SYNC: variants seen among roughly 807,000 people sequenced by gnomAD.
The protein encoded by SYNC is syncoilin.
SYNC carries 38 observed loss-of-function variants against 49.5 expected under a neutral mutation model. The observed-to-expected ratio is 0.77, with a 90% CI of 0.59 to 1.01. The LOEUF (loss-of-function observed/expected upper bound fraction) is 1.01, where lower values mean the gene tolerates loss of function less well. Among genes scored for constraint, SYNC ranks in the 50% least tolerant of loss-of-function variants. The pLI is 0.00. For synonymous variants in SYNC, 201 were observed against 230.8 expected (o/e 0.87, Z 1.17); for missense variants, 579 against 580.6 (o/e 1.00, Z 0.03).
chr1:32,702,255 T>A lies in SYNC; in HGVS notation c.53+353A>T, dbSNP rs2148566558. On this transcript the variant is annotated intron_variant, in intron 1 of 4. Coordinates refer to ENST00000409190, the MANE Select transcript of SYNC (RefSeq NM_030786.3). This position sits in a 1 kb window ranked among gnomAD's most constrained non-coding sequence, Gnocchi z 6.2. ...CAGCCACTTCAGCAGGGGAGGCCTC[T>A]GTCTCCAACTGACATTTGCAGGGAG... Among the ~76,000 whole-genome samples, 1 of 152,338 alleles carries A rather than the reference T, an allele frequency of 6.6e-6. No individual in the cohort carries two copies. Among genetic ancestry groups the A allele is most frequent in the East Asian group, 1.9e-4 (1 of 5,180 alleles).
intron 4 of SYNC, chr1:32,682,087 T>A (rs528461204): frequency 1.9e-6 from 1 of 520,804 alleles, no homozygotes; most frequent in Admixed American, 3.5e-5. Flanking sequence ...CAGGTATAAT[T>A]ACAATGCCTG....
intron 2 of SYNC, among the ~76,000 whole-genome samples, chr1:32,692,244 C>A (rs61798763): frequency 0.097 from 14,740 of 151,610 alleles, 1,788 homozygotes; most frequent in African/African-American, 0.29. Context: ...TAATAATCAT[C>A]ATCATCATCA....
intron 2 of SYNC, 177 bp from the exon 3 acceptor site, chr1:32,684,559 G>A (rs1237413385): frequency 7.9e-6 from 7 of 884,160 alleles, no homozygotes; most frequent in Non-Finnish European, 1.0e-5. Context: ...TGGAAAAAAA[G>A]TGACAATGCT....
Position 32,695,307 on chromosome 1 carries a change from T to G in SYNC, c.791A>C (p.Gln264Pro), listed in dbSNP as rs61753898. ...ATCGGCAAACTGAGCCACGTCCTGC[T>G]GGCGGCACTCCAGCTGGTATTGGTA... ...VAYQYQLECRQQDVAQFADFR... is the reference protein window; with the variant it reads ...VAYQYQLECRPQDVAQFADFR... The change falls in exon 2 of 5, where the codon CAG (glutamine) becomes CCG (proline). Residue 264 changes from glutamine to proline, a missense_variant. Transcript: ENST00000409190. 1 of 1,551,746 alleles carries G rather than the reference T, an allele frequency of 6.4e-7. No homozygotes were observed. The highest frequency in any genetic ancestry group is 8.7e-7 in the Non-Finnish European group (1 of 1,147,070).
At chr1:32,688,476 A>C (rs1215130324) in intron 2 of SYNC, among the ~76,000 whole-genome samples, 35 of 152,202 alleles carry the variant, frequency 2.3e-4, no homozygotes, top group Non-Finnish European at 2.9e-5. Context: ...TGCTTATAAC[A>C]TTGAAATATG....
At chr1:32,687,248 C>T (rs1339057579) in intron 2 of SYNC, among the ~76,000 whole-genome samples, 1 of 151,548 alleles carries the variant, frequency 6.6e-6, no homozygotes, top group Non-Finnish European at 1.5e-5. Context: ...GTAATCTCAG[C>T]TACTCGGGAG....
In SYNC at chr1:32,681,705, A is replaced by T; in HGVS notation, c.*145T>A. ...TAGAATCTTTTTAAGCAGGTCAGCCAGTATTTGCAACTTCCACAGGATGAA... is the reference window on the plus strand; with the variant it reads ...TAGAATCTTTTTAAGCAGGTCAGCCTGTATTTGCAACTTCCACAGGATGAA... On this transcript the variant is annotated 3_prime_UTR_variant, in exon 5 of 5. Transcript: ENST00000409190. 1 of 1,287,776 alleles carries T rather than the reference A, an allele frequency of 7.8e-7. No individual in the cohort carries two copies. Among genetic ancestry groups the T allele is most frequent in the Non-Finnish European group, 1.1e-6 (1 of 897,604 alleles). 79.8% of individuals were successfully genotyped at this position (1,287,776 alleles called of 1,614,324 possible).
chr1:32,685,583 G>A (rs1249643155), intron 2 of SYNC: 3 of 152,222 alleles, frequency 2.0e-5, no homozygotes, highest in African/African-American at 7.2e-5. Context: ...CGCACTGTTT[G>A]ATACTCTGGC....
intron 2 of SYNC, among the ~76,000 whole-genome samples, chr1:32,687,102 G>C (rs1294206633): frequency 6.6e-6 from 1 of 152,152 alleles, no homozygotes; most frequent in Non-Finnish European, 1.5e-5. Flanking sequence ...GCTCATGCCT[G>C]TAATCTCAGC....
chr1:32,698,021 G>C (rs1650507976), intron 1 of SYNC, among the ~76,000 whole-genome samples: 1 of 151,870 alleles, frequency 6.6e-6, no homozygotes, highest in South Asian at 2.1e-4. Flanking sequence ...TCAGGAGTTC[G>C]AGATCAGCCT....
At chr1:32,682,444 A>AAAATG (rs55901903) in intron 4 of SYNC, 128,804 of 146,340 alleles carry the variant, frequency 0.88, 56,096 homozygotes, top group Non-Finnish European at 0.95. Context: ...GAAATTTAAA[A>AAAATG]AAATAAAATC....
intron 2 of SYNC, among the ~76,000 whole-genome samples, chr1:32,688,491 A>C (rs1650001181): frequency 1.3e-5 from 2 of 152,186 alleles, no homozygotes; most frequent in South Asian, 4.1e-4. Flanking sequence ...AATATGTTTA[A>C]TTGATGCCAA....
chr1:32,679,983 T>A lies in SYNC; in HGVS notation c.*1867A>T. ...GAAAGGGGAATATTATGTGTGATTA[T>A]TTTTCTTCTTATGCTATATCCCCAA... On this transcript the variant is annotated 3_prime_UTR_variant, in exon 5 of 5. Transcript: ENST00000409190. 1 of 1,193,200 alleles carries A rather than the reference T, an allele frequency of 8.4e-7. No individual in the cohort carries two copies. Among genetic ancestry groups the A allele is most frequent in the Non-Finnish European group, 1.0e-6 (1 of 962,936 alleles). The allele number at this position is 1,193,200 out of a possible 1,614,324, so 73.9% of individuals were successfully genotyped here.
At chr1:32,700,433 C>T (rs979543646) in intron 1 of SYNC, among the ~76,000 whole-genome samples, 1 of 152,184 alleles carries the variant, frequency 6.6e-6, no homozygotes, top group Admixed American at 6.5e-5. Flanking sequence ...CAGTGGCTCA[C>T]GCCTGTAATC....
At chr1:32,685,923 C>G (rs1649793945) in intron 2 of SYNC, 2 of 152,182 alleles carry the variant, frequency 1.3e-5, no homozygotes. Flanking sequence ...TTTCCACTTT[C>G]TTTAGTGGCA....
At chr1:32,699,934 A>G (rs533440013) in intron 1 of SYNC, among the ~76,000 whole-genome samples, 14 of 151,850 alleles carry the variant, frequency 9.2e-5, no homozygotes, top group African/African-American at 2.9e-4. Flanking sequence ...GGGTTTCACC[A>G]TCTTGGTCAG....
In SYNC at chr1:32,681,667, C is replaced by T; in HGVS notation, c.*183G>A. On this transcript the variant is annotated 3_prime_UTR_variant, in exon 5 of 5. Coordinates refer to ENST00000409190, the MANE Select transcript of SYNC (RefSeq NM_030786.3). ...CCAGCAAAGAGTTGACATGTTCTGCCTCCGGCCAACTCTAGAATCTTTTTA... is the reference window on the plus strand; with the variant it reads ...CCAGCAAAGAGTTGACATGTTCTGCTTCCGGCCAACTCTAGAATCTTTTTA... 2.4e-6 allele frequency: 2 copies of T among 828,876 alleles called. No homozygotes were observed. The highest frequency in any genetic ancestry group is 3.3e-5 in the South Asian group (2 of 60,966). 51.3% of individuals were successfully genotyped at this position (828,876 alleles called of 1,614,324 possible).
intron 3 of SYNC, 26 bp from the exon 4 acceptor site, chr1:32,684,115 A>T (rs200279844): frequency 1.2e-6 from 2 of 1,612,238 alleles, no homozygotes; most frequent in South Asian, 2.2e-5. Flanking sequence ...GCCATTTTCC[A>T]TGTGTTTTTG....
intron 2 of SYNC, among the ~76,000 whole-genome samples, chr1:32,688,945 T>G (rs951590006): frequency 6.7e-6 from 1 of 150,258 alleles, no homozygotes; most frequent in African/African-American, 2.5e-5. Context: ...ACACACTTTT[T>G]TTTTTCTTTT....
Sources: gnomAD v4.1 joint callset for allele counts (sites outside exome capture counted in the v4.1 genomes callset) on GRCh38, gnomAD v4.1.1 for gene constraint, Gnocchi (gnomAD v3.1) non-coding constraint, MANE v1.5 for transcripts, NCBI Gene and HGNC (gene_info 2026-07-23, HGNC 2026-07-21) for gene names.